RPTOR: variants seen among roughly 807,000 people sequenced by gnomAD.
RPTOR encodes the protein regulatory-associated protein of mTOR.
Under a neutral mutation model 169.9 loss-of-function variants are expected in RPTOR, and 21 were observed. The observed-to-expected ratio is 0.12, with a 90% confidence interval of 0.09 to 0.18. The LOEUF (loss-of-function observed/expected upper bound fraction) is 0.18, where lower values mean the gene tolerates loss of function less well. Ranked by LOEUF, RPTOR falls within the 10% of genes least tolerant of loss-of-function variation. The pLI is 1.00. For synonymous variants in RPTOR, 732 were observed against 753.2 expected (o/e 0.97, Z 0.46); for missense variants, 1,133 against 1,855.9 (o/e 0.61, Z 7.16).
intron 3 of RPTOR, among the ~76,000 whole-genome samples, chr17:80,674,818 A>C (rs8080868): frequency 0.47 from 54,723 of 115,814 alleles, 11,598 homozygotes; most frequent in East Asian, 0.6. Flanking sequence ...AAAAAAAAAA[A>C]AAAAAAACAA....
intron 4 of RPTOR, among the ~76,000 whole-genome samples, chr17:80,720,146 A>G (rs934606597): frequency 1.3e-5 from 2 of 152,204 alleles, no homozygotes; most frequent in African/African-American, 4.8e-5. Flanking sequence ...TACCAAAAAA[A>G]AATTAGCCAT....
At chr17:80,825,997 A>G (rs895461293) in intron 9 of RPTOR, among the ~76,000 whole-genome samples, 1 of 152,098 alleles carries the variant, frequency 6.6e-6, no homozygotes. Context: ...GTGGGCGGAG[A>G]GAAGTCAGGC....
In RPTOR at chr17:80,634,382, AT is replaced by A. The variant is rs1567830773; in HGVS notation, c.265+8590del. Among the ~76,000 whole-genome samples the A allele has an allele frequency of 8.6e-4, 68 of 79,478 alleles. 2 individuals carry two copies. The highest frequency in any genetic ancestry group is 3.2e-3 in the African/African-American group (63 of 19,572). 52.1% of individuals were successfully genotyped at this position (79,478 alleles called of 152,430 possible). ...CTGTGTGTGCATACTGTGTGTGTGC[AT>A]ACTGTGTGCGTGTGCATACCGTGTG... is the stretch of plus-strand genomic sequence containing the variant. On this transcript the variant is annotated intron_variant, in intron 2 of 33. Transcript: ENST00000306801.
At chr17:80,656,525 C>T (rs1393567954) in intron 3 of RPTOR, among the ~76,000 whole-genome samples, 2 of 152,212 alleles carry the variant, frequency 1.3e-5, no homozygotes, top group Non-Finnish European at 2.9e-5. Flanking sequence ...CACCTTTTTA[C>T]ACAAAACCCT....
intron 13 of RPTOR, among the ~76,000 whole-genome samples, chr17:80,867,081 A>G (rs1382129947): frequency 1.3e-5 from 2 of 152,250 alleles, no homozygotes; most frequent in Admixed American, 6.5e-5. Context: ...ACAGATAAGT[A>G]TTCTCTTGAA....
chr17:80,721,535 C>T lies in RPTOR; in HGVS notation c.508-9025C>T, dbSNP rs779610191. 2.6e-5 allele frequency among the ~76,000 whole-genome samples: 4 copies of T among 151,400 alleles called. No individual in the cohort carries two copies. Among genetic ancestry groups the T allele is most frequent in the South Asian group, 2.1e-4 (1 of 4,824 alleles). On this transcript the variant is annotated intron_variant, in intron 4 of 33. Transcript: ENST00000306801. This position sits in a 1 kb window ranked among gnomAD's most constrained non-coding sequence, Gnocchi z 4.7. ...CGGGCTCTCCTGGCTCACCCGGGGC[C>T]GTCAGGGCGCTGCAGTTTGCAGGAG... is the stretch of plus-strand genomic sequence containing the variant.
At chr17:80,644,805 C>A (rs1431244349) in intron 3 of RPTOR, among the ~76,000 whole-genome samples, 1 of 152,160 alleles carries the variant, frequency 6.6e-6, no homozygotes, top group Non-Finnish European at 1.5e-5. Flanking sequence ...TTTAAAAATG[C>A]CCTTAGGTCA....
At chr17:80,669,373 C>A (rs1218523248) in intron 3 of RPTOR, among the ~76,000 whole-genome samples, 1 of 152,244 alleles carries the variant, frequency 6.6e-6, no homozygotes, top group Non-Finnish European at 1.5e-5. Context: ...ATCCCTGTTG[C>A]ATACAGTAGT....
intron 25 of RPTOR, among the ~76,000 whole-genome samples, chr17:80,944,351 C>G (rs544493674): frequency 2.3e-4 from 35 of 152,368 alleles, no homozygotes; most frequent in African/African-American, 8.4e-4. Context: ...CGAGCTTATT[C>G]TGAAACTTTA....
intron 13 of RPTOR, among the ~76,000 whole-genome samples, chr17:80,872,400 A>T (rs1040416012): frequency 8.5e-5 from 13 of 152,168 alleles, no homozygotes; most frequent in Admixed American, 7.9e-4. Context: ...CGGACCAGGA[A>T]GGCAGAGGCC....
intron 24 of RPTOR, among the ~76,000 whole-genome samples, chr17:80,932,979 CAG>C (rs1284356685): frequency 1.1e-4 from 16 of 152,226 alleles, no homozygotes; most frequent in African/African-American, 3.6e-4. Flanking sequence ...CTGTGTAAGA[CAG>C]AGATAGTCCA....
intron 7 of RPTOR, among the ~76,000 whole-genome samples, chr17:80,792,012 A>G (rs1023318715): frequency 1.3e-4 from 20 of 152,132 alleles, no homozygotes; most frequent in African/African-American, 4.8e-4. Context: ...TGAAGAGTCA[A>G]TGGCACTTGC....
intron 5 of RPTOR, among the ~76,000 whole-genome samples, chr17:80,741,956 A>C (rs2066485919): frequency 6.6e-6 from 1 of 152,148 alleles, no homozygotes; most frequent in African/African-American, 2.4e-5. Context: ...AGCCTCAGGA[A>C]AGCCTTCTAG....
intron 1 of RPTOR, among the ~76,000 whole-genome samples, chr17:80,567,649 G>A (rs1260609216): frequency 4.6e-5 from 7 of 151,726 alleles, no homozygotes; most frequent in South Asian, 4.2e-4. Context: ...AAAATTAGCC[G>A]GGCATGGTGG....
chr17:80,862,001 C>G (rs1321453273), intron 13 of RPTOR, among the ~76,000 whole-genome samples: 1 of 152,102 alleles, frequency 6.6e-6, no homozygotes, highest in Non-Finnish European at 1.5e-5. Context: ...CTCGAGTGCC[C>G]CAAATGGCAG....
At chr17:80,722,447 G>A (rs1206003732) in intron 4 of RPTOR, among the ~76,000 whole-genome samples, 1 of 150,818 alleles carries the variant, frequency 6.6e-6, no homozygotes, top group African/African-American at 2.5e-5. Flanking sequence ...AGGGGAGGGT[G>A]GAAGGGAGGG....
intron 7 of RPTOR, among the ~76,000 whole-genome samples, chr17:80,812,856 G>A (rs539912541): frequency 2.0e-5 from 3 of 152,216 alleles, no homozygotes; most frequent in African/African-American, 4.8e-5. Context: ...CCCCAGATTT[G>A]TGCACGTGAT....
intron 11 of RPTOR, among the ~76,000 whole-genome samples, chr17:80,852,346 A>G (rs1484202152): frequency 6.6e-6 from 1 of 152,136 alleles, no homozygotes; most frequent in Non-Finnish European, 1.5e-5. Flanking sequence ...CCCCAGAGCC[A>G]GTGCTTTTCC....
intron 6 of RPTOR, among the ~76,000 whole-genome samples, chr17:80,756,344 CT>C (rs2066680984): frequency 6.6e-6 from 1 of 152,184 alleles, no homozygotes. Flanking sequence ...AAAGAAGTTT[CT>C]TTACTTAGAT....
Sources: gnomAD v4.1 joint callset for allele counts (sites outside exome capture counted in the v4.1 genomes callset) on GRCh38, gnomAD v4.1.1 for gene constraint, Gnocchi (gnomAD v3.1) non-coding constraint, MANE v1.5 for transcripts, NCBI Gene and HGNC (gene_info 2026-07-23, HGNC 2026-07-21) for gene names.